The following C4orf50 variants were observed in gnomAD, a reference collection of about 807,000 sequenced individuals.
C4orf50 encodes uncharacterized protein C4orf50.
C4orf50 carries 80 observed loss-of-function variants against 77.2 expected under a neutral mutation model. The ratio of observed to expected loss-of-function variants is 1.04; its 90% CI spans 0.87 to 1.25. The LOEUF (loss-of-function observed/expected upper bound fraction) is 1.25. Ranked by LOEUF, C4orf50 falls within the 50% of genes most tolerant of loss-of-function variation. The probability of loss-of-function intolerance (pLI) is 0.00; values close to 1 mark genes in which losing one functional copy is unlikely to be tolerated. For synonymous variants in C4orf50, 532 were observed against 465.3 expected (o/e 1.14, Z -1.84); for missense variants, 1,257 against 1,152.9 (o/e 1.09, Z -1.31).
rs1479387089 is a variant in C4orf50, at chr4:5,905,855, C to T, written c.*2475-7667G>A. 1.3e-5 allele frequency among the ~76,000 whole-genome samples: 2 copies of T among 150,816 alleles called. No homozygotes were observed. Among genetic ancestry groups the T allele is most frequent in the Non-Finnish European group, 2.9e-5 (2 of 67,918 alleles). On this transcript the variant is annotated intron_variant, in intron 7 of 7. Coordinates refer to the C4orf50 transcript ENST00000324058. The surrounding 1 kb of genome is among the most constrained non-coding windows in gnomAD (Gnocchi z 5.4). Reference sequence around the variant, plus strand: ...GTGCTCTGGGATGTCGTCATTTGTTCGTCCAACAAAAAGTGATGGGACACC... The same window carrying T: ...GTGCTCTGGGATGTCGTCATTTGTTTGTCCAACAAAAAGTGATGGGACACC...
chr4:6,009,095 A>C lies in C4orf50; in HGVS notation c.427-563T>G, dbSNP rs1722379750. Among the ~76,000 whole-genome samples the C allele has an allele frequency of 6.6e-6, 1 of 152,246 alleles. No homozygotes were observed. Among genetic ancestry groups the C allele is most frequent in the African/African-American group, 2.4e-5 (1 of 41,470 alleles). On this transcript the variant is annotated intron_variant, in intron 24 of 33. Coordinates refer to ENST00000531445, the Ensembl canonical transcript of C4orf50. This position sits in a 1 kb window ranked among gnomAD's most constrained non-coding sequence, Gnocchi z 5.6. ...TACGTTACTAGCCTGAGAGACACTCAGGAGTGACTTGCATATCACGCAGCT... is the reference window on the plus strand; with the variant it reads ...TACGTTACTAGCCTGAGAGACACTCCGGAGTGACTTGCATATCACGCAGCT...
intron 7 of C4orf50, among the ~76,000 whole-genome samples, chr4:5,949,834 GAAC>G (rs1718642532): frequency 1.3e-5 from 2 of 151,834 alleles, no homozygotes; most frequent in African/African-American, 2.4e-5. Flanking sequence ...TAAAAATACA[GAAC>G]AACTAACCGG....
At chr4:6,013,519 C>T (rs116160847) in intron 23 of C4orf50, among the ~76,000 whole-genome samples, 306 of 152,282 alleles carry the variant, frequency 2.0e-3, no homozygotes, top group Non-Finnish European at 3.3e-3. Context: ...CATCCAGGCC[C>T]TAATCCCTGG....
At chr4:5,922,669 G>A (rs10937693) in intron 7 of C4orf50, among the ~76,000 whole-genome samples, 60,290 of 152,048 alleles carry the variant, frequency 0.4, 13,276 homozygotes, top group East Asian at 0.77. Flanking sequence ...CAGGAGAAGG[G>A]TTGTCCTCCT....
intron 25 of C4orf50, among the ~76,000 whole-genome samples, chr4:5,996,365 G>A (rs1013907505): frequency 6.6e-6 from 1 of 152,120 alleles, no homozygotes; most frequent in African/African-American, 2.4e-5. Flanking sequence ...AACTGGATCT[G>A]GTTGCTCCCT....
chr4:5,946,095 G>A (rs541772666), intron 7 of C4orf50, among the ~76,000 whole-genome samples: 15 of 152,340 alleles, frequency 9.8e-5, no homozygotes, highest in Admixed American at 2.6e-4. Flanking sequence ...CAGCCTCCAG[G>A]AGCGGCAGCG....
chr4:5,995,088 C>A (rs1387891683), intron 25 of C4orf50, among the ~76,000 whole-genome samples: 1 of 152,084 alleles, frequency 6.6e-6, no homozygotes, highest in South Asian at 2.1e-4. Context: ...GTCCCTGGTG[C>A]CAAAAAAGTG....
At chr4:5,941,042 T>A (rs924749929) in intron 7 of C4orf50, among the ~76,000 whole-genome samples, 2 of 152,202 alleles carry the variant, frequency 1.3e-5, no homozygotes, top group African/African-American at 4.8e-5. Flanking sequence ...CTACATCTAA[T>A]GTGTATACAT....
chr4:5,988,741 T>C, exon 28 of C4orf50: 1 of 1,536,076 alleles, frequency 6.5e-7, no homozygotes, highest in Non-Finnish European at 8.7e-7. Flanking sequence ...CAAGGTGACT[T>C]CCCTCTCCAG....
In C4orf50 at chr4:5,964,876, G is replaced by C. The variant is rs151194646; in HGVS notation, c.4275+148C>G. ...AGGAGACTGAGGGTGAAACCAGGGG[G>C]CTGTTCGGGAGTCGATTGTGTTCTA... On this transcript the variant is annotated intron_variant, in intron 33 of 33. Coordinates refer to ENST00000531445, the Ensembl canonical transcript of C4orf50. 9.5e-3 allele frequency: 5,874 copies of C among 617,264 alleles called. 50 individuals carry two copies. The highest frequency in any genetic ancestry group is 0.028 in the South Asian group (1,173 of 41,326). 38.2% of individuals were successfully genotyped at this position (617,264 alleles called of 1,614,324 possible). A position where few individuals can be genotyped will look rare whatever the true frequency, so the allele number is the denominator to read the frequency against.
chr4:5,928,736 CAG>C, intron 7 of C4orf50, among the ~76,000 whole-genome samples: 1 of 152,352 alleles, frequency 6.6e-6, no homozygotes, highest in South Asian at 2.1e-4. Flanking sequence ...CAATTCCTAA[CAG>C]GGGAACCTCC....
intron 23 of C4orf50, among the ~76,000 whole-genome samples, chr4:6,013,078 A>G (rs1013416579): frequency 6.6e-6 from 1 of 152,190 alleles, no homozygotes; most frequent in Non-Finnish European, 1.5e-5. Flanking sequence ...TATGACCCTC[A>G]GTAACTTTAT....
rs761232901 is a variant in C4orf50, at chr4:6,015,998, A to G, written c.287+2147T>C. Among the ~76,000 whole-genome samples, 12 of 152,178 alleles carry G rather than the reference A, an allele frequency of 7.9e-5. No homozygotes were observed. The highest frequency in any genetic ancestry group is 1.6e-4 in the Non-Finnish European group (11 of 68,036). On this transcript the variant is annotated intron_variant, in intron 23 of 33. Transcript: ENST00000531445. The surrounding 1 kb of genome is among the most constrained non-coding windows in gnomAD (Gnocchi z 4.4). ...GCGCGTGGGTGTGAGTGTCCTGTTC[A>G]GGCCTTGCACCCTGAGCTGCCGGGA...
chr4:5,991,683 C>G (rs558173659), intron 27 of C4orf50, among the ~76,000 whole-genome samples: 1 of 152,198 alleles, frequency 6.6e-6, no homozygotes, highest in Non-Finnish European at 1.5e-5. Context: ...AGTGGAGCCC[C>G]TAGAATAGCT....
chr4:5,975,076 G>T lies in C4orf50; in HGVS notation c.3921+823C>A, dbSNP rs1293637797. ...AATCACTTGAACCTGGGAGGCAGAGGTTGCAGTGAGCCAAAATCGTACCAT... is the reference window on the plus strand; with the variant it reads ...AATCACTTGAACCTGGGAGGCAGAGTTTGCAGTGAGCCAAAATCGTACCAT... On this transcript the variant is annotated intron_variant, in intron 30 of 33. Transcript: ENST00000531445. 2.1e-5 allele frequency among the ~76,000 whole-genome samples: 3 copies of T among 143,210 alleles called. No homozygotes were observed. In the South Asian group the frequency reaches 6.9e-4, roughly 33 times the overall value. 94.0% of individuals were successfully genotyped at this position (143,210 alleles called of 152,430 possible). A position where few individuals can be genotyped will look rare whatever the true frequency, so the allele number is the denominator to read the frequency against.
At chr4:5,990,501 G>A (rs1203047641) in exon 28 of C4orf50, 6 of 399,156 alleles carry the variant, frequency 1.5e-5, no homozygotes, top group Admixed American at 8.8e-5. Flanking sequence ...CTCTTGTCTG[G>A]TGACAATCCC....
At chr4:5,978,604 G>A in intron 29 of C4orf50, among the ~76,000 whole-genome samples, 1 of 152,208 alleles carries the variant, frequency 6.6e-6, no homozygotes, top group East Asian at 1.9e-4. Context: ...TCTTGTGTTG[G>A]TTGAAGACAC....
At chr4:6,004,375 GTGATGATGGTGATGGTGGTGA>G (rs1722128383) in intron 25 of C4orf50, among the ~76,000 whole-genome samples, 2 of 116,136 alleles carry the variant, frequency 1.7e-5, no homozygotes, top group African/African-American at 6.2e-5. Flanking sequence ...GATGGTGATG[GTGATGATGGTGATGGTGGTGA>G]TGGTGATGGA....
At chr4:5,945,792 G>C (rs1291034878) in intron 7 of C4orf50, among the ~76,000 whole-genome samples, 1 of 152,158 alleles carries the variant, frequency 6.6e-6, no homozygotes, top group African/African-American at 2.4e-5. Flanking sequence ...GCTGGACCCT[G>C]GGCCGGGGCA....
Sources: allele counts gnomAD v4.1 joint callset (sites outside exome capture counted in the v4.1 genomes callset), GRCh38; gene constraint gnomAD v4.1.1; non-coding constraint Gnocchi (gnomAD v3.1); transcripts MANE v1.5; gene names NCBI Gene and HGNC (gene_info 2026-07-23, HGNC 2026-07-21).